SUN5: variants seen among roughly 807,000 people sequenced by gnomAD.
The protein encoded by SUN5 is Sad1 and UNC84 domain containing 5.
Under a neutral mutation model 53.7 loss-of-function variants are expected in SUN5, and 44 were observed. That is an observed-to-expected ratio of 0.82 (90% CI 0.64 to 1.05). The LOEUF is 1.05. SUN5 is among the 50% of genes least tolerant of loss of function. SUN5 has a pLI of 0.00. For synonymous variants in SUN5, 166 were observed against 179.8 expected (o/e 0.92, Z 0.62); for missense variants, 433 against 483.8 (o/e 0.90, Z 0.98).
At position 32,985,177 on chromosome 20, in the gene SUN5, C is replaced by T. The variant is rs1378769801; in HGVS notation, c.906G>A (p.Glu302=). ...GGAACACCTCCTCCTTGGGGGAGCCCTCCATGCCCTGTGGAACCAGAACCA... is the reference window on the plus strand; with the variant it reads ...GGAACACCTCCTCCTTGGGGGAGCCTTCCATGCCCTGTGGAACCAGAACCA... ...APKDFVIYGM[E]GSPKEEVFLG... The change falls in exon 12 of 13, where the codon GAG becomes GAA. Residue 302 remains glutamate (E), a synonymous_variant. Coordinates refer to ENST00000356173, the MANE Select transcript of SUN5 (RefSeq NM_080675.4). 8.1e-6 allele frequency: 13 copies of T among 1,613,788 alleles called. No homozygotes were observed. Among genetic ancestry groups the T allele is most frequent in the Non-Finnish European group, 1.1e-5 (13 of 1,179,924 alleles).
At chr20:33,003,654 T>C (rs1241981329) in intron 1 of SUN5, among the ~76,000 whole-genome samples, 26 of 152,232 alleles carry the variant, frequency 1.7e-4, no homozygotes, top group Admixed American at 1.7e-3. Flanking sequence ...TATATTGGTT[T>C]ATTAATAAAT....
At chr20:32,988,034 G>A (rs111974451) in intron 9 of SUN5, among the ~76,000 whole-genome samples, 2 of 151,268 alleles carry the variant, frequency 1.3e-5, no homozygotes, top group African/African-American at 2.4e-5. Flanking sequence ...CTTGGCTCAC[G>A]GCAACCTCTG....
At chr20:33,003,494 A>G (rs1482786210) in intron 1 of SUN5, among the ~76,000 whole-genome samples, 1 of 151,974 alleles carries the variant, frequency 6.6e-6, no homozygotes, top group African/African-American at 2.4e-5. Context: ...GATGACAGGA[A>G]CCTGGGTCTT....
chr20:32,996,289 G>A, intron 7 of SUN5, 35 bp downstream of exon 7: 1 of 1,608,138 alleles, frequency 6.2e-7, no homozygotes, highest in Non-Finnish European at 8.5e-7. Context: ...CTGCTTTTTA[G>A]GTAATAATAT....
intron 6 of SUN5, 85 bp downstream of exon 6, chr20:32,997,553 G>A: frequency 6.7e-7 from 1 of 1,493,264 alleles, no homozygotes; most frequent in Non-Finnish European, 9.2e-7. Flanking sequence ...CCCATTTGGT[G>A]AGAATGAATG....
intron 8 of SUN5, among the ~76,000 whole-genome samples, chr20:32,990,134 C>A (rs1397539668): frequency 6.6e-6 from 1 of 152,156 alleles, no homozygotes; most frequent in Non-Finnish European, 1.5e-5. Context: ...CACATATGCT[C>A]ACCCTATCCC....
intron 8 of SUN5, among the ~76,000 whole-genome samples, chr20:32,993,958 T>TTAGAA: frequency 6.6e-6 from 1 of 152,160 alleles, no homozygotes; most frequent in East Asian, 1.9e-4. Context: ...ACTAAATCAA[T>TTAGAA]CCTGGGCACA....
chr20:32,993,615 A>G lies in SUN5; in HGVS notation c.534+2004T>C, dbSNP rs987024310. On this transcript the variant is annotated intron_variant, in intron 8 of 12. Coordinates refer to ENST00000356173, the MANE Select transcript of SUN5 (RefSeq NM_080675.4). The stretch of plus-strand genomic sequence containing the variant: ...TTTCTGAAAAGCAGAATAAAACTTC[A>G]TATCTTCACAGTGCTTAGGAAACGA... 2.2e-4 allele frequency among the ~76,000 whole-genome samples: 34 copies of G among 152,242 alleles called. 1 individual carries two copies.
At chr20:32,993,907 A>G (rs766699544) in intron 8 of SUN5, among the ~76,000 whole-genome samples, 2 of 152,222 alleles carry the variant, frequency 1.3e-5, no homozygotes, top group African/African-American at 2.4e-5. Context: ...AGGGGTGGTG[A>G]TGAGTCAATA....
intron 3 of SUN5, among the ~76,000 whole-genome samples, chr20:33,001,557 T>TC (rs1990025459): frequency 7.2e-6 from 1 of 139,056 alleles, no homozygotes; most frequent in South Asian, 2.1e-4. Context: ...TTTCTTTCTT[T>TC]CTTTCTTTTC....
At position 32,996,444 on chromosome 20, in the gene SUN5, A is replaced by G. The variant is rs966175865; in HGVS notation, c.391-86T>C. Reference sequence around the variant, plus strand: ...AACTTCATCCATCTATTCTCCCACAATTATAAACCCATACATTCATCCACT... The same window carrying G: ...AACTTCATCCATCTATTCTCCCACAGTTATAAACCCATACATTCATCCACT... On this transcript the variant is annotated intron_variant, in intron 6 of 12. Transcript: ENST00000356173. 14 of 1,231,960 alleles carry G rather than the reference A, an allele frequency of 1.1e-5. No homozygotes were observed. In the Admixed American group the frequency reaches 2.0e-4, roughly 18 times the overall value. The allele number at this position is 1,231,960 out of a possible 1,614,324, so 76.3% of individuals were successfully genotyped here.
At chr20:33,003,151 C>T (rs1179825279) in intron 1 of SUN5, among the ~76,000 whole-genome samples, 1 of 152,106 alleles carries the variant, frequency 6.6e-6, no homozygotes, top group Non-Finnish European at 1.5e-5. Flanking sequence ...GCCATGTCCC[C>T]GAGGTTGGCA....
rs1036934256 is a variant in SUN5 at position 32,996,406 on chromosome 20, C to A, written c.391-48G>T. ...AGGGGTCTCCTTCAGATGGCTTAAT[C>A]TGGCCCCAGGAGAACTTCATCCATC... On this transcript the variant is annotated intron_variant, in intron 6 of 12. Transcript: ENST00000356173. The A allele has an allele frequency of 5.1e-6, 8 of 1,566,112 alleles. No individual in the cohort carries two copies. In the African/African-American group the frequency reaches 1.1e-4, roughly 21 times the overall value.
intron 9 of SUN5, among the ~76,000 whole-genome samples, chr20:32,988,580 A>T (rs539338445): frequency 5.6e-4 from 84 of 150,988 alleles, no homozygotes; most frequent in Non-Finnish European, 1.0e-3. Flanking sequence ...TTATTATTTT[A>T]TTTATTTATT....
intron 10 of SUN5, 55 bp downstream of exon 10, chr20:32,987,605 A>G (rs546317329): frequency 1.6e-5 from 23 of 1,474,056 alleles, no homozygotes; most frequent in African/African-American, 2.9e-5. Context: ...CCTGTCCCCA[A>G]ACCCTGCCCG....
chr20:32,988,576 TTTTATTTATTTA>T (rs10681483), intron 9 of SUN5, among the ~76,000 whole-genome samples: 12 of 150,550 alleles, frequency 8.0e-5, no homozygotes, highest in Non-Finnish European at 1.2e-4. Flanking sequence ...CTGATTATTA[TTTTATTTATTTA>T]TTTATTTATT....
chr20:32,985,643 G>T (rs1282536551), intron 11 of SUN5, 93 bp downstream of exon 11: 3 of 1,470,982 alleles, frequency 2.0e-6, no homozygotes, highest in Admixed American at 1.9e-5. Context: ...GCCTGCAAGT[G>T]TTGTGCAGAC....
chr20:32,988,927 C>CT (rs1989623819), intron 9 of SUN5, among the ~76,000 whole-genome samples: 1 of 146,062 alleles, frequency 6.8e-6, no homozygotes, highest in Non-Finnish European at 1.5e-5. Flanking sequence ...TATTATTTTA[C>CT]TTTTTTTATT....
Position 33,004,379 on chromosome 20 carries a change from T to A in SUN5, c.-39A>T. ...TAGGATTGGGGATGGAGATGGGAAC[T>A]CTGGGAGCTGGTGAGGAGGAAGGGG... On this transcript the variant is annotated 5_prime_UTR_variant, in exon 1 of 13. Coordinates refer to ENST00000356173, the MANE Select transcript of SUN5 (RefSeq NM_080675.4). 2 of 1,525,334 alleles carry A rather than the reference T, an allele frequency of 1.3e-6. No individual in the cohort carries two copies. Among genetic ancestry groups the A allele is most frequent in the South Asian group, 1.3e-5 (1 of 79,734 alleles). 94.5% of individuals were successfully genotyped at this position (1,525,334 alleles called of 1,614,324 possible).
Sources: allele counts gnomAD v4.1 joint callset (sites outside exome capture counted in the v4.1 genomes callset), GRCh38; gene constraint gnomAD v4.1.1; transcripts MANE v1.5; gene names NCBI Gene and HGNC (gene_info 2026-07-23, HGNC 2026-07-21).